SIAH1: variants seen among roughly 807,000 people sequenced by gnomAD.
The protein encoded by SIAH1 is E3 ubiquitin-protein ligase SIAH1.
In SIAH1, 2 loss-of-function variants were observed where a neutral mutation model predicts 20.0. The ratio of observed to expected loss-of-function variants is 0.10; its 90% CI spans 0.04 to 0.31. SIAH1 has a LOEUF of 0.31. Ranked by LOEUF, SIAH1 falls within the 10% of genes least tolerant of loss-of-function variation. The probability of loss-of-function intolerance (pLI) is 1.00; values close to 1 mark genes in which losing one functional copy is unlikely to be tolerated. For synonymous variants in SIAH1, 118 were observed against 125.3 expected (o/e 0.94, Z 0.39); for missense variants, 119 against 355.3 (o/e 0.33, Z 5.35).
chr16:48,374,781 A>T (rs1961064199), intron 1 of SIAH1, among the ~76,000 whole-genome samples: 1 of 152,238 alleles, frequency 6.6e-6, no homozygotes, highest in South Asian at 2.1e-4. Context: ...AAAAATGCAG[A>T]GAAAGAAGTA....
intron 1 of SIAH1, among the ~76,000 whole-genome samples, chr16:48,378,961 C>T (rs1246468476): frequency 6.6e-6 from 1 of 152,234 alleles, no homozygotes; most frequent in Non-Finnish European, 1.5e-5. Flanking sequence ...GTACACTTCA[C>T]AATTTGTAAT....
intron 1 of SIAH1, among the ~76,000 whole-genome samples, chr16:48,377,363 TA>T (rs1479893434): frequency 6.7e-6 from 1 of 150,286 alleles, no homozygotes; most frequent in African/African-American, 2.4e-5. Context: ...ATCTTGTCTG[TA>T]ACATTAAACC....
chr16:48,385,619 G>T (rs570918805), upstream of SIAH1, among the ~76,000 whole-genome samples: 1 of 152,034 alleles, frequency 6.6e-6, no homozygotes, highest in Non-Finnish European at 1.5e-5. Context: ...CTCGGCTACC[G>T]TTGCTGCGCC....
chr16:48,362,608 C>CTT lies in SIAH1; in HGVS notation c.-2-180_-2-179dup. On this transcript the variant is annotated intron_variant, in intron 1 of 1. Transcript: ENST00000394725. The surrounding 1 kb of genome is among the most constrained non-coding windows in gnomAD (Gnocchi z 4.2). ...AAAATAAAATTACACTGAATGTGCA[C>CTT]TTTATTAGGATCTGTACACTGGATA... 1 of 637,068 alleles carries CTT rather than the reference C, an allele frequency of 1.6e-6. No homozygotes were observed. The highest frequency in any genetic ancestry group is 2.0e-5 in the South Asian group (1 of 49,144). 39.5% of individuals were successfully genotyped at this position (637,068 alleles called of 1,614,324 possible).
chr16:48,380,514 A>G (rs574610655), intron 1 of SIAH1, among the ~76,000 whole-genome samples: 275 of 152,278 alleles, frequency 1.8e-3, no homozygotes, highest in African/African-American at 6.3e-3. Flanking sequence ...CCTAAAAAAA[A>G]GAGTCAAAAA....
chr16:48,367,553 T>G (rs1409352488), intron 1 of SIAH1, among the ~76,000 whole-genome samples: 2 of 152,230 alleles, frequency 1.3e-5, no homozygotes, highest in African/African-American at 2.4e-5. Context: ...GATGGGTAAT[T>G]TATGTGTATC....
In SIAH1 at chr16:48,361,559, A is replaced by G; in HGVS notation, c.*21T>C. 6.2e-7 allele frequency: 1 copy of G among 1,607,742 alleles called. No individual in the cohort carries two copies. The highest frequency in any genetic ancestry group is 8.5e-7 in the Non-Finnish European group (1 of 1,177,406). On this transcript the variant is annotated 3_prime_UTR_variant, in exon 2 of 2. Transcript: ENST00000394725. ...GAAACTGAAGTTTTAAACACTGGCCAGAAAATGTTTGATTGCCATTTCAAC... is the reference window on the plus strand; with the variant it reads ...GAAACTGAAGTTTTAAACACTGGCCGGAAAATGTTTGATTGCCATTTCAAC...
chr16:48,383,351 T>C (rs551833221), intron 1 of SIAH1, among the ~76,000 whole-genome samples: 9 of 152,208 alleles, frequency 5.9e-5, no homozygotes, highest in Admixed American at 1.3e-4. Flanking sequence ...ACACAACCAA[T>C]TTGTGTAATC....
chr16:48,366,611 A>G lies in SIAH1; in HGVS notation c.-2-4181T>C, dbSNP rs576619157. Among the ~76,000 whole-genome samples, 18 of 152,344 alleles carry G rather than the reference A, an allele frequency of 1.2e-4. No homozygotes were observed. In the South Asian group the frequency reaches 1.4e-3, roughly 12 times the overall value. On this transcript the variant is annotated intron_variant, in intron 1 of 1. Transcript: ENST00000394725. The stretch of plus-strand genomic sequence containing the variant: ...TTAAACAAGCACTACCCTTGCCCCA[A>G]TAAAGTCCTGCGCCTCAGATTTGCA...
chr16:48,362,485 TTATAAA>T lies in SIAH1; in HGVS notation c.-2-61_-2-56del. 6.4e-7 allele frequency: 1 copy of T among 1,566,138 alleles called. No homozygotes were observed. ...AAAATAATTATAACCATGACTTACT[TTATAAA>T]TAATGTTTACATGCCATAAGTCCTT... On this transcript the variant is annotated intron_variant, in intron 1 of 1. Coordinates refer to ENST00000394725, the MANE Select transcript of SIAH1 (RefSeq NM_003031.4). This position sits in a 1 kb window ranked among gnomAD's most constrained non-coding sequence, Gnocchi z 4.2.
At chr16:48,379,529 A>G (rs1172362386) in intron 1 of SIAH1, among the ~76,000 whole-genome samples, 1 of 152,220 alleles carries the variant, frequency 6.6e-6, no homozygotes. Flanking sequence ...AAAAGGCTAG[A>G]AGAGTTTAAT....
chr16:48,365,310 C>A (rs1960787285), intron 1 of SIAH1: 4 of 1,509,382 alleles, frequency 2.7e-6, no homozygotes, highest in Admixed American at 3.6e-5. Flanking sequence ...CAGCCATTCC[C>A]TAAGCCAGGC....
At position 48,385,380 on chromosome 16, in the gene SIAH1, GGCCGCCGCC is replaced by G. The variant is rs543688431; in HGVS notation, c.-188_-180del. The G allele has an allele frequency of 1.3e-5, 2 of 154,714 alleles. No individual in the cohort carries two copies. Among genetic ancestry groups the G allele is most frequent in the Middle Eastern group, 3.2e-3 (1 of 308 alleles). 9.6% of individuals were successfully genotyped at this position (154,714 alleles called of 1,614,324 possible). On this transcript the variant is annotated 5_prime_UTR_variant, in exon 1 of 2. Transcript: ENST00000394725. ...GCAACGGCCGCCCCGGCTCCCCCCT[GGCCGCCGCC>G]GCCGCCGCCGTTTCGCGCGTCCTCG...
At chr16:48,370,722 C>T (rs1277366702) in intron 1 of SIAH1, among the ~76,000 whole-genome samples, 2 of 151,068 alleles carry the variant, frequency 1.3e-5, no homozygotes, top group Admixed American at 6.6e-5. Flanking sequence ...AGGAGAATGG[C>T]GTGAATCCGG....
intron 1 of SIAH1, among the ~76,000 whole-genome samples, chr16:48,379,889 G>A (rs575659282): frequency 6.6e-6 from 1 of 152,268 alleles, no homozygotes; most frequent in Admixed American, 6.5e-5. Context: ...GGCCAGCTCA[G>A]GAGAGGCTAT....
intron 1 of SIAH1, among the ~76,000 whole-genome samples, chr16:48,377,913 A>G (rs1961155839): frequency 6.6e-6 from 1 of 151,902 alleles, no homozygotes; most frequent in Non-Finnish European, 1.5e-5. Flanking sequence ...TCTCGTCTCT[A>G]ATAAAAATAA....
chr16:48,364,804 T>A (rs1169247959), intron 1 of SIAH1: 1 of 152,588 alleles, frequency 6.6e-6, no homozygotes, highest in Non-Finnish European at 1.5e-5. Context: ...AGTCAACCAA[T>A]GCCTTTCAAA....
At chr16:48,383,811 A>T (rs1206229647) in intron 1 of SIAH1, among the ~76,000 whole-genome samples, 1 of 152,230 alleles carries the variant, frequency 6.6e-6, no homozygotes, top group African/African-American at 2.4e-5. Flanking sequence ...AAGATCTGTG[A>T]CCTGATTTCA....
intron 1 of SIAH1, among the ~76,000 whole-genome samples, chr16:48,379,927 G>A (rs1961225334): frequency 6.6e-6 from 1 of 152,098 alleles, no homozygotes; most frequent in Non-Finnish European, 1.5e-5. Context: ...CAAGAACTTA[G>A]AACTTTACAC....
Sources: gnomAD v4.1 joint callset for allele counts (sites outside exome capture counted in the v4.1 genomes callset) on GRCh38, gnomAD v4.1.1 for gene constraint, Gnocchi (gnomAD v3.1) non-coding constraint, MANE v1.5 for transcripts, NCBI Gene and HGNC (gene_info 2026-07-23, HGNC 2026-07-21) for gene names.